DOCK3: variants seen among roughly 807,000 people sequenced by gnomAD.
DOCK3 encodes dedicator of cytokinesis protein 3.
In DOCK3, 60 loss-of-function variants were observed where a neutral mutation model predicts 265.6. The observed-to-expected ratio is 0.23, with a 90% confidence interval of 0.18 to 0.28. The LOEUF (loss-of-function observed/expected upper bound fraction) is 0.28, where lower values mean the gene tolerates loss of function less well. DOCK3 is among the 10% of genes least tolerant of loss of function. DOCK3 has a pLI of 1.00. For synonymous variants in DOCK3, 881 were observed against 938.0 expected, an observed-to-expected ratio of 0.94 and a Z score of 1.11; for missense variants, 1,981 against 2,594.3, an observed-to-expected ratio of 0.76 and a Z score of 5.14.
intron 1 of DOCK3, among the ~76,000 whole-genome samples, chr3:50,750,610 GAGCT>G (rs2039737433): frequency 6.6e-6 from 1 of 152,266 alleles, no homozygotes; most frequent in African/African-American, 2.4e-5. Context: ...TTACAGTCGT[GAGCT>G]ACCGCGCCTG....
At chr3:51,013,172 C>T (rs571518395) in intron 5 of DOCK3, among the ~76,000 whole-genome samples, 14 of 152,228 alleles carry the variant, frequency 9.2e-5, no homozygotes, top group African/African-American at 1.9e-4. Flanking sequence ...AGTTGTTCTC[C>T]GTCCTGCTTT....
chr3:51,197,426 C>T (rs2088373581), intron 12 of DOCK3, among the ~76,000 whole-genome samples: 1 of 152,116 alleles, frequency 6.6e-6, no homozygotes, highest in Admixed American at 6.5e-5. Context: ...CTCTCTGGGT[C>T]CTGAGTGATG....
intron 5 of DOCK3, among the ~76,000 whole-genome samples, chr3:51,032,254 C>T (rs921586923): frequency 3.3e-5 from 5 of 151,966 alleles, no homozygotes; most frequent in African/African-American, 1.2e-4. Context: ...AGTTCGCAAT[C>T]TTGATAAAAC....
At chr3:51,249,945 C>T (rs1292149615) in intron 22 of DOCK3, among the ~76,000 whole-genome samples, 3 of 151,362 alleles carry the variant, frequency 2.0e-5, no homozygotes, top group Non-Finnish European at 4.4e-5. Flanking sequence ...AATTCTTCTG[C>T]CTTGGGATCC....
At chr3:51,364,198 A>G (rs999558883) in intron 49 of DOCK3, among the ~76,000 whole-genome samples, 4 of 152,180 alleles carry the variant, frequency 2.6e-5, no homozygotes, top group Non-Finnish European at 5.9e-5. Context: ...GTGAAATGGT[A>G]TCTCATTGTG....
intron 5 of DOCK3, among the ~76,000 whole-genome samples, chr3:50,950,202 AC>A (rs2076551359): frequency 6.6e-6 from 1 of 152,038 alleles, no homozygotes; most frequent in Admixed American, 6.6e-5. Context: ...TATTATAAGT[AC>A]CCATTTTATA....
chr3:51,211,736 A>G (rs1304847744), intron 13 of DOCK3, among the ~76,000 whole-genome samples: 2 of 152,230 alleles, frequency 1.3e-5, no homozygotes, highest in East Asian at 1.9e-4. Context: ...TATATGTGCC[A>G]TATTTTCTTA....
In DOCK3 at chr3:51,227,410, G is replaced by A. The variant is rs771056800; in HGVS notation, c.1505G>A (p.Gly502Asp). The A allele has an allele frequency of 1.9e-6, 3 of 1,613,676 alleles. No homozygotes were observed. The highest frequency in any genetic ancestry group is 2.5e-6 in the Non-Finnish European group (3 of 1,179,770). ...CCTATCCCCATTGACCGGTTCCGGG[G>A]CTCCCACCTGCGCTTTGAGTTCAGA... ...KLPIPIDRFR[G>D]SHLRFEFRHC... Residue 502 changes from glycine to aspartate, a missense_variant, in exon 16 of 53, where the codon GGC becomes GAC. By Grantham distance (94) the Gly-to-Asp change is moderately conservative. Around this residue, in one of 4 missense-constraint regions of DOCK3, gnomAD observed 1,357 missense variants for 1,866.8 expected, o/e 0.73. Transcript: ENST00000266037.
intron 1 of DOCK3, among the ~76,000 whole-genome samples, chr3:50,736,369 A>G (rs1033079182): frequency 6.6e-6 from 1 of 152,150 alleles, no homozygotes; most frequent in Non-Finnish European, 1.5e-5. Flanking sequence ...ATATGTGTGC[A>G]TGTGTCTTTA....
intron 1 of DOCK3, among the ~76,000 whole-genome samples, chr3:50,767,376 A>C (rs2040961173): frequency 6.6e-6 from 1 of 152,246 alleles, no homozygotes; most frequent in Admixed American, 6.5e-5. Context: ...TAAATAGGGC[A>C]TCCTTTCCCC....
intron 1 of DOCK3, among the ~76,000 whole-genome samples, chr3:50,730,685 G>C (rs534294416): frequency 2.0e-5 from 3 of 151,870 alleles, no homozygotes; most frequent in African/African-American, 7.3e-5. Context: ...TAAAAAATTA[G>C]CCAGGTGCTG....
chr3:50,948,551 C>T (rs948145890), intron 5 of DOCK3, among the ~76,000 whole-genome samples: 1 of 151,554 alleles, frequency 6.6e-6, no homozygotes, highest in Non-Finnish European at 1.5e-5. Context: ...CCGCCAAACC[C>T]GGCTCTTTTC....
chr3:50,968,553 A>AT (rs749920591), intron 5 of DOCK3, among the ~76,000 whole-genome samples: 12,807 of 139,272 alleles, frequency 0.092, 1,089 homozygotes, highest in East Asian at 0.35. Context: ...TATGATTTCA[A>AT]TTTTTTTTTT....
chr3:51,017,549 A>G (rs2079402012), intron 5 of DOCK3, among the ~76,000 whole-genome samples: 1 of 151,644 alleles, frequency 6.6e-6, no homozygotes, highest in Non-Finnish European at 1.5e-5. Flanking sequence ...AGGTTTTGGC[A>G]TGTTGTGTTT....
chr3:51,051,508 T>A (rs188804090), intron 5 of DOCK3, among the ~76,000 whole-genome samples: 115 of 152,276 alleles, frequency 7.6e-4, no homozygotes, highest in Non-Finnish European at 1.5e-3. Flanking sequence ...CCTGTAATAA[T>A]CCTTGGTAGT....
chr3:51,256,587 GTTTTTGT>G (rs2079560189), intron 22 of DOCK3, among the ~76,000 whole-genome samples: 1 of 135,590 alleles, frequency 7.4e-6, no homozygotes, highest in African/African-American at 2.8e-5. Flanking sequence ...TTGAGTTTTC[GTTTTTGT>G]TTTTTTTTTT....
chr3:51,338,794 G>A (rs1026635780), intron 36 of DOCK3, 141 bp from the exon 37 acceptor site: 31 of 710,474 alleles, frequency 4.4e-5, no homozygotes, highest in Non-Finnish European at 7.0e-5. Context: ...TCTGGCTGGT[G>A]CTTTCTCCTT....
At chr3:51,030,586 T>C (rs1373324049) in intron 5 of DOCK3, among the ~76,000 whole-genome samples, 1 of 152,180 alleles carries the variant, frequency 6.6e-6, no homozygotes, top group African/African-American at 2.4e-5. Context: ...CTGGATCCAA[T>C]TTTTGTCTCC....
At chr3:51,177,229 A>G (rs1273294988) in intron 12 of DOCK3, among the ~76,000 whole-genome samples, 1 of 152,182 alleles carries the variant, frequency 6.6e-6, no homozygotes, top group Non-Finnish European at 1.5e-5. Context: ...TTTTTGTTTA[A>G]TCTGTGATGA....
Sources: allele counts gnomAD v4.1 joint callset (sites outside exome capture counted in the v4.1 genomes callset), GRCh38; gene constraint gnomAD v4.1.1; regional missense constraint gnomAD v4.1.1; transcripts MANE v1.5; gene names NCBI Gene and HGNC (gene_info 2026-07-23, HGNC 2026-07-21).